RARB: variants seen among roughly 807,000 people sequenced by gnomAD.
RARB encodes retinoic acid receptor beta, also known as HBV-activated protein.
RARB carries 17 observed loss-of-function variants against 51.9 expected under a neutral mutation model. The observed-to-expected ratio is 0.33, with a 90% CI of 0.22 to 0.49. The LOEUF (loss-of-function observed/expected upper bound fraction) is 0.49, where lower values mean the gene tolerates loss of function less well. Ranked by LOEUF, RARB falls within the 20% of genes least tolerant of loss-of-function variation. The pLI, the probability that RARB is intolerant of heterozygous loss-of-function variation, is 0.99. For missense variants in RARB, 369 were observed against 550.8 expected, an observed-to-expected ratio of 0.67 and a Z score of 3.30; for synonymous variants, 215 against 195.4, an observed-to-expected ratio of 1.10 and a Z score of -0.84.
intron 5 of RARB, among the ~76,000 whole-genome samples, chr3:25,214,257 G>A (rs984242341): frequency 1.3e-5 from 2 of 152,150 alleles, no homozygotes; most frequent in African/African-American, 2.4e-5. Flanking sequence ...CAAAGGGAGA[G>A]GCTCTGGCTG....
At chr3:25,205,825 C>T (rs1036292314) in intron 5 of RARB, among the ~76,000 whole-genome samples, 3 of 152,064 alleles carry the variant, frequency 2.0e-5, no homozygotes, top group African/African-American at 7.2e-5. Flanking sequence ...TCACTGCAGC[C>T]TCAACCTCCT....
chr3:25,295,595 A>G (rs1275712820), intron 5 of RARB, among the ~76,000 whole-genome samples: 1 of 152,242 alleles, frequency 6.6e-6, no homozygotes, highest in Non-Finnish European at 1.5e-5. Context: ...GATTAAAAAG[A>G]GTCCCAGCCT....
At chr3:25,059,085 A>G (rs1698498008) in intron 2 of RARB, among the ~76,000 whole-genome samples, 1 of 151,684 alleles carries the variant, frequency 6.6e-6, no homozygotes, top group Admixed American at 6.6e-5. Context: ...ATCTAACTAT[A>G]CACATTATTT....
intron 2 of RARB, among the ~76,000 whole-genome samples, chr3:24,879,169 C>A (rs557947920): frequency 6.6e-6 from 1 of 152,182 alleles, no homozygotes; most frequent in East Asian, 1.9e-4. Flanking sequence ...GTGGCTCACG[C>A]CTGTAATCCC....
intron 3 of RARB, among the ~76,000 whole-genome samples, chr3:25,082,133 G>T (rs565867428): frequency 6.6e-6 from 1 of 151,856 alleles, no homozygotes; most frequent in Admixed American, 6.6e-5. Context: ...CTTTTAACCT[G>T]TGTACTTATA....
chr3:24,944,540 A>G (rs575755651), intron 2 of RARB, among the ~76,000 whole-genome samples: 7 of 152,304 alleles, frequency 4.6e-5, no homozygotes, highest in African/African-American at 1.4e-4. Flanking sequence ...ACACAAGTAG[A>G]AGTAATAGAG....
intron 4 of RARB, among the ~76,000 whole-genome samples, chr3:25,141,827 G>A (rs900161832): frequency 6.6e-6 from 1 of 152,052 alleles, no homozygotes. Flanking sequence ...AATATATGAA[G>A]TATCTCCCTC....
intron 2 of RARB, among the ~76,000 whole-genome samples, chr3:25,007,472 C>A (rs942725222): frequency 3.3e-5 from 5 of 150,988 alleles, no homozygotes; most frequent in Non-Finnish European, 5.9e-5. Flanking sequence ...CTAAAAAATA[C>A]AAAAAATAGC....
chr3:25,580,774 G>A lies in RARB; in HGVS notation c.786+52G>A, dbSNP rs767704732. 5.9e-5 allele frequency: 89 copies of A among 1,500,026 alleles called. No individual in the cohort carries two copies. In the East Asian group the frequency reaches 9.7e-4, roughly 16 times the overall value. The allele number at this position is 1,500,026 out of a possible 1,614,324, so 92.9% of individuals were successfully genotyped here. ...GGTCTGGGGAGGGAGAGAGGGCACC[G>A]TGGAGGGGAGGGAGGGGACCAAGAG... is the stretch of plus-strand genomic sequence containing the variant. On this transcript the variant is annotated intron_variant, in intron 5 of 7. Transcript: ENST00000330688.
At chr3:25,570,488 C>G (rs1700666657) in intron 4 of RARB, among the ~76,000 whole-genome samples, 1 of 152,190 alleles carries the variant, frequency 6.6e-6, no homozygotes, top group Admixed American at 6.5e-5. Flanking sequence ...TAGGCATGCC[C>G]CATGCCCAGT....
intron 2 of RARB, among the ~76,000 whole-genome samples, chr3:24,903,120 CTTATT>C (rs577368269): frequency 6.6e-6 from 1 of 151,900 alleles, no homozygotes; most frequent in African/African-American, 2.4e-5. Context: ...ATTTCTAATA[CTTATT>C]TTAATAAAAT....
chr3:25,086,846 T>C (rs558795665), intron 3 of RARB, among the ~76,000 whole-genome samples: 1 of 152,256 alleles, frequency 6.6e-6, no homozygotes, highest in Admixed American at 6.5e-5. Flanking sequence ...AAGGTTCTTA[T>C]TATGCAGATA....
chr3:25,100,627 T>C (rs1164184113), intron 3 of RARB, among the ~76,000 whole-genome samples: 3 of 152,202 alleles, frequency 2.0e-5, no homozygotes, highest in Admixed American at 2.0e-4. Flanking sequence ...AACATAGTGT[T>C]TGTGATCTGA....
intron 3 of RARB, among the ~76,000 whole-genome samples, chr3:25,092,448 A>G (rs1699215594): frequency 6.6e-6 from 1 of 152,160 alleles, no homozygotes; most frequent in Non-Finnish European, 1.5e-5. Flanking sequence ...TCAAGATTTT[A>G]GAGGAAATTG....
At chr3:25,213,233 C>T (rs926507612) in intron 5 of RARB, among the ~76,000 whole-genome samples, 2 of 152,144 alleles carry the variant, frequency 1.3e-5, no homozygotes, top group South Asian at 4.1e-4. Context: ...CTTCCCTATT[C>T]CCCAAGTCCT....
chr3:25,054,424 A>C (rs1041226089), intron 2 of RARB, among the ~76,000 whole-genome samples: 1 of 152,134 alleles, frequency 6.6e-6, no homozygotes, highest in African/African-American at 2.4e-5. Flanking sequence ...GAGGGAGCTG[A>C]ATGTCCTCTT....
intron 2 of RARB, among the ~76,000 whole-genome samples, chr3:24,970,211 A>G (rs1696365941): frequency 6.6e-6 from 1 of 152,046 alleles, no homozygotes; most frequent in Admixed American, 6.6e-5. Context: ...TAGCTTACCC[A>G]CTGCTGATTT....
intron 2 of RARB, among the ~76,000 whole-genome samples, chr3:24,884,761 T>C (rs1459385243): frequency 6.6e-6 from 1 of 152,194 alleles, no homozygotes. Flanking sequence ...TAACATCTAA[T>C]TAACTCTTTG....
chr3:25,174,627 G>C, intron 5 of RARB: 1 of 1,330,714 alleles, frequency 7.5e-7, no homozygotes, highest in Non-Finnish European at 1.0e-6. Flanking sequence ...TGGATGAAGG[G>C]ACCTGAGAAA....
Sources: allele counts gnomAD v4.1 joint callset (sites outside exome capture counted in the v4.1 genomes callset), GRCh38; gene constraint gnomAD v4.1.1; transcripts MANE v1.5; gene names NCBI Gene and HGNC (gene_info 2026-07-23, HGNC 2026-07-21).